The following NOX4 variants were observed in gnomAD, a reference collection of about 807,000 sequenced individuals.
NOX4 encodes the protein NADPH oxidase 4, also known as kidney oxidase-1.
A neutral mutation model predicts 87.6 loss-of-function variants in NOX4; 69 were observed. The ratio of observed to expected loss-of-function variants is 0.79; its 90% CI spans 0.65 to 0.96. The LOEUF is 0.96. NOX4 is among the 40% of genes least tolerant of loss of function. The probability of loss-of-function intolerance (pLI) is 0.00; values close to 1 mark genes in which losing one functional copy is unlikely to be tolerated. For synonymous variants in NOX4, 275 were observed against 238.2 expected, an observed-to-expected ratio of 1.15 and a Z score of -1.42; for missense variants, 680 against 681.5, an observed-to-expected ratio of 1.00 and a Z score of 0.02.
In NOX4 at chr11:89,357,112, C is replaced by T. The variant is rs763783854; in HGVS notation, c.1136-2069G>A. 5.3e-5 allele frequency among the ~76,000 whole-genome samples: 8 copies of T among 152,238 alleles called. No homozygotes were observed. In the South Asian group the frequency reaches 8.3e-4, roughly 16 times the overall value. On this transcript the variant is annotated intron_variant, in intron 12 of 17. Coordinates refer to ENST00000263317, the MANE Select transcript of NOX4 (RefSeq NM_016931.5). ...ACTAGATGTTAAATTATTTGGAATA[C>T]GGCAGTCACAAAGTGGCCAGTGCTT...
At chr11:89,536,004 G>A in the NOX4 span, among the ~76,000 whole-genome samples, 21 of 152,054 alleles carry the variant, frequency 1.4e-4, no homozygotes, top group South Asian at 3.7e-3. Flanking sequence ...TTTACTAACC[G>A]CTGCCTTCAA....
intron 2 of NOX4, 46 bp from the exon 3 acceptor site, chr11:89,451,941 A>G: frequency 7.7e-7 from 1 of 1,302,042 alleles, no homozygotes; most frequent in Non-Finnish European, 1.1e-6. Flanking sequence ...GACAGTAGTA[A>G]AGCCCTGTCC....
chr11:89,579,370 G>A, the NOX4 span, among the ~76,000 whole-genome samples: 1 of 152,112 alleles, frequency 6.6e-6, no homozygotes, highest in Non-Finnish European at 1.5e-5. Context: ...TCTGGTGGGG[G>A]ATGTTGATAA....
intron 2 of NOX4, among the ~76,000 whole-genome samples, chr11:89,469,410 G>A (rs1020168899): frequency 1.3e-5 from 2 of 152,070 alleles, no homozygotes; most frequent in Admixed American, 1.3e-4. Context: ...TGGCATTGGT[G>A]TTTGTCTAAA....
rs553765087 is a variant in NOX4 at position 89,459,895 on chromosome 11, A to G, written c.154-8000T>C. ...AGAACAAAGCTGGAGGCATCACACT[A>G]CTTGACTTCAAACTATACTACAAGG... On this transcript the variant is annotated intron_variant, in intron 2 of 17. Transcript: ENST00000263317. Among the ~76,000 whole-genome samples the G allele has an allele frequency of 2.4e-3, 373 of 152,326 alleles. 4 individuals are homozygous for G. The highest frequency in any genetic ancestry group is 8.4e-3 in the African/African-American group (351 of 41,578).
At chr11:89,474,458 CA>C (rs67342388) in intron 2 of NOX4, among the ~76,000 whole-genome samples, 43,115 of 96,854 alleles carry the variant, frequency 0.45, 6,627 homozygotes, top group Non-Finnish European at 0.49. Flanking sequence ...TCTATAATAC[CA>C]AAAAAAAAAA....
Position 89,330,881 on chromosome 11 carries a change from T to C in NOX4, c.1617-4005A>G, listed in dbSNP as rs545763539. ...ACACTGATGGAACTGTAAAGACAGA[T>C]AAATTCATAATTATAGTTAATTATT... On this transcript the variant is annotated intron_variant, in intron 17 of 17. Coordinates refer to ENST00000263317, the MANE Select transcript of NOX4 (RefSeq NM_016931.5). Among the ~76,000 whole-genome samples, 750 of 152,118 alleles carry C rather than the reference T, an allele frequency of 4.9e-3. 3 individuals carry two copies. Among genetic ancestry groups the C allele is most frequent in the African/African-American group, 0.017 (726 of 41,534 alleles).
the NOX4 span, among the ~76,000 whole-genome samples, chr11:89,516,930 G>A: frequency 6.6e-6 from 1 of 151,870 alleles, no homozygotes; most frequent in African/African-American, 2.4e-5. Flanking sequence ...ACAGTTTTTC[G>A]AAAACAAACT....
chr11:89,333,722 G>A (rs1349340730), intron 17 of NOX4, among the ~76,000 whole-genome samples: 2 of 151,706 alleles, frequency 1.3e-5, no homozygotes, highest in Non-Finnish European at 3.0e-5. Flanking sequence ...CATTGTAAAT[G>A]AAACCATCCA....
the NOX4 span, among the ~76,000 whole-genome samples, chr11:89,580,912 C>G: frequency 6.6e-6 from 1 of 152,118 alleles, no homozygotes; most frequent in African/African-American, 2.4e-5. Context: ...GAGAAATTGC[C>G]TTGTCTGGAG....
intron 2 of NOX4, among the ~76,000 whole-genome samples, chr11:89,454,282 T>C (rs879767077): frequency 9.9e-5 from 15 of 151,910 alleles, no homozygotes; most frequent in Non-Finnish European, 1.5e-4. Context: ...ATTTTAATTA[T>C]CTGTTTATCA....
chr11:89,508,075 C>G, the NOX4 span, among the ~76,000 whole-genome samples: 83 of 152,108 alleles, frequency 5.5e-4, no homozygotes, highest in South Asian at 3.9e-3. Flanking sequence ...AATAAACATG[C>G]TTTTAAAAAT....
At chr11:89,356,459 G>T (rs1210204671) in intron 12 of NOX4, among the ~76,000 whole-genome samples, 1 of 152,028 alleles carries the variant, frequency 6.6e-6, no homozygotes, top group East Asian at 1.9e-4. Context: ...AAAAATCCTA[G>T]ATGTTACCTT....
At chr11:89,554,703 G>T in the NOX4 span, among the ~76,000 whole-genome samples, 1 of 152,056 alleles carries the variant, frequency 6.6e-6, no homozygotes, top group East Asian at 1.9e-4. Flanking sequence ...TATTCTTAAT[G>T]ATTCCTAAGA....
intron 12 of NOX4, among the ~76,000 whole-genome samples, chr11:89,357,032 C>T (rs1938117398): frequency 6.6e-6 from 1 of 152,094 alleles, no homozygotes; most frequent in African/African-American, 2.4e-5. Flanking sequence ...AGCATTTCCA[C>T]AAAATGATGA....
chr11:89,569,925 C>G, the NOX4 span, among the ~76,000 whole-genome samples: 6 of 151,238 alleles, frequency 4.0e-5, no homozygotes, highest in Admixed American at 2.0e-4. Context: ...TGGCACGAAC[C>G]TGGGAGGCGG....
In NOX4 at chr11:89,390,486, CAGTT is replaced by C. The variant is rs199614963; in HGVS notation, c.1074+9527_1074+9530del. Among the ~76,000 whole-genome samples the C allele has an allele frequency of 4.9e-3, 745 of 152,160 alleles. 4 individuals carry two copies. Among genetic ancestry groups the C allele is most frequent in the Middle Eastern group, 0.044 (13 of 294 alleles). On this transcript the variant is annotated intron_variant, in intron 11 of 17. Transcript: ENST00000263317. ...ATGAGATAGAGTGGTTTTAAGAAAA[CAGTT>C]AGTATTTATAATTGAGATTTAATAA...
chr11:89,584,705 G>A, the NOX4 span, among the ~76,000 whole-genome samples: 2 of 152,114 alleles, frequency 1.3e-5, no homozygotes, highest in Non-Finnish European at 2.9e-5. Flanking sequence ...GTAAAAATGT[G>A]TAGTTCAAGA....
chr11:89,547,646 G>A, the NOX4 span, among the ~76,000 whole-genome samples: 1 of 152,130 alleles, frequency 6.6e-6, no homozygotes, highest in Non-Finnish European at 1.5e-5. Context: ...TACTGTCTGG[G>A]ACAGTGGTTG....
Sources: gnomAD v4.1 joint callset for allele counts (sites outside exome capture counted in the v4.1 genomes callset) on GRCh38, gnomAD v4.1.1 for gene constraint, MANE v1.5 for transcripts, NCBI Gene and HGNC (gene_info 2026-07-23, HGNC 2026-07-21) for gene names.